TXNDC15: variants seen among roughly 807,000 people sequenced by gnomAD.
TXNDC15 encodes the protein thioredoxin domain-containing protein 15.
Under a neutral mutation model 35.0 loss-of-function variants are expected in TXNDC15, and 24 were observed. That is an observed-to-expected ratio of 0.68 (90% CI 0.50 to 0.96). TXNDC15 has a LOEUF of 0.96. TXNDC15 is among the 40% of genes least tolerant of loss of function. TXNDC15 has a pLI of 0.00. For missense variants in TXNDC15, 385 were observed against 453.3 expected, an observed-to-expected ratio of 0.85 and a Z score of 1.37; for synonymous variants, 169 against 174.0, an observed-to-expected ratio of 0.97 and a Z score of 0.23.
intron 2 of TXNDC15, among the ~76,000 whole-genome samples, chr5:134,889,221 G>A (rs957198149): frequency 3.9e-5 from 6 of 152,076 alleles, no homozygotes; most frequent in African/African-American, 1.4e-4. Flanking sequence ...TGGCAGGGAC[G>A]GTGTACCCTT....
intron 3 of TXNDC15, 100 bp from the exon 4 acceptor site, chr5:134,896,194 C>A: frequency 1.4e-6 from 2 of 1,406,894 alleles, no homozygotes; most frequent in South Asian, 2.8e-5. Flanking sequence ...AGGTCACACG[C>A]AACTTCCTCA....
At chr5:134,886,555 A>T (rs1255639338) in intron 1 of TXNDC15, among the ~76,000 whole-genome samples, 1 of 152,182 alleles carries the variant, frequency 6.6e-6, no homozygotes, top group Non-Finnish European at 1.5e-5. Flanking sequence ...CTCAAGACCC[A>T]CCTTCTAGCT....
rs1750433384 is a variant in TXNDC15, at chr5:134,893,633, C to T, written c.733C>T (p.Leu245=). The T allele has an allele frequency of 6.2e-7, 1 of 1,614,170 alleles. No individual in the cohort carries two copies. Among genetic ancestry groups the T allele is most frequent in the East Asian group, 2.2e-5 (1 of 44,894 alleles). ...ATTTCCAGCTCTTCACTTTTTGGCA[C>T]TGGATGCATCTCAGCACAGCAGGTA... The part of the protein sequence containing the change: ...RAFPALHFLA[L]DASQHSSLST... The change falls in exon 3 of 5, where the codon CTG becomes TTG. Residue 245 remains leucine (L), a synonymous_variant. Transcript: ENST00000358387.
At chr5:134,888,997 G>A (rs1750333872) in intron 2 of TXNDC15, among the ~76,000 whole-genome samples, 1 of 152,196 alleles carries the variant, frequency 6.6e-6, no homozygotes, top group Non-Finnish European at 1.5e-5. Context: ...TTATGTAAGA[G>A]AGGTAAATCC....
In TXNDC15 at chr5:134,874,384, C is replaced by CA; in HGVS notation, c.-43dup. 2 of 1,517,098 alleles carry CA rather than the reference C, an allele frequency of 1.3e-6. No individual in the cohort carries two copies. The highest frequency in any genetic ancestry group is 2.4e-5 in the South Asian group (2 of 82,992). 94.0% of individuals were successfully genotyped at this position (1,517,098 alleles called of 1,614,324 possible). On this transcript the variant is annotated 5_prime_UTR_variant, in exon 1 of 5. Transcript: ENST00000358387. Reference sequence around the variant, plus strand: ...CCCCCAGCCTTCCTCCGGCTGGCAGCACGACTCGCGTAGCCGTGCGCCGAT... The same window carrying CA: ...CCCCCAGCCTTCCTCCGGCTGGCAGCAACGACTCGCGTAGCCGTGCGCCGAT...
intron 1 of TXNDC15, among the ~76,000 whole-genome samples, chr5:134,885,830 T>C (rs2150186761): frequency 6.6e-6 from 1 of 151,650 alleles, no homozygotes; most frequent in African/African-American, 2.4e-5. Context: ...TTCCTGAAAC[T>C]GTTGTTTTAT....
At chr5:134,882,198 C>T (rs1373886741) in intron 1 of TXNDC15, among the ~76,000 whole-genome samples, 2 of 150,568 alleles carry the variant, frequency 1.3e-5, no homozygotes, top group African/African-American at 4.9e-5. Context: ...TCCTCACATC[C>T]CGGACGGGGC....
chr5:134,896,817 G>T (rs1387016388), intron 4 of TXNDC15, among the ~76,000 whole-genome samples: 1 of 151,814 alleles, frequency 6.6e-6, no homozygotes, highest in African/African-American at 2.4e-5. Context: ...CTAATTTTTT[G>T]TATTTTTAAT....
At chr5:134,889,034 A>C (rs529412366) in intron 2 of TXNDC15, among the ~76,000 whole-genome samples, 1 of 152,288 alleles carries the variant, frequency 6.6e-6, no homozygotes, top group East Asian at 1.9e-4. Flanking sequence ...GACTGTTGTC[A>C]GTGAGGGCAC....
At position 134,888,035 on chromosome 5, in the gene TXNDC15, C is replaced by T. The variant is rs1308076681; in HGVS notation, c.444C>T (p.Tyr148=). The stretch of plus-strand genomic sequence containing the variant: ...TCCCTGACAGAGAAGAGGAGTATTA[C>T]ACAGAGCCAGAAGTGGCGGAATCTG... ...AHFPDREEEY[Y]TEPEVAESDA... The change falls in exon 2 of 5, where the codon TAC becomes TAT. Residue 148 remains tyrosine (Y), a synonymous_variant. Coordinates refer to ENST00000358387, the MANE Select transcript of TXNDC15 (RefSeq NM_024715.4). The T allele has an allele frequency of 6.2e-7, 1 of 1,614,184 alleles. No individual in the cohort carries two copies. The highest frequency in any genetic ancestry group is 1.1e-5 in the South Asian group (1 of 91,082).
intron 1 of TXNDC15, among the ~76,000 whole-genome samples, chr5:134,879,143 A>G (rs186011529): frequency 6.6e-6 from 1 of 152,270 alleles, no homozygotes; most frequent in Non-Finnish European, 1.5e-5. Flanking sequence ...TGAAGGCATA[A>G]GATTTTTTTG....
chr5:134,885,387 G>GTGAATTA (rs1750256273), intron 1 of TXNDC15, among the ~76,000 whole-genome samples: 1 of 152,210 alleles, frequency 6.6e-6, no homozygotes, highest in Admixed American at 6.5e-5. Context: ...TCAATACCCT[G>GTGAATTA]TGAATTATGA....
chr5:134,899,799 T>A lies in TXNDC15; in HGVS notation c.*114T>A. ...TGTTGACTTGAAACTTCAGGCAGATTAAAAGAATCATTTGTTGAACAACTG... is the reference window on the plus strand; with the variant it reads ...TGTTGACTTGAAACTTCAGGCAGATAAAAAGAATCATTTGTTGAACAACTG... On this transcript the variant is annotated 3_prime_UTR_variant, in exon 5 of 5. Transcript: ENST00000358387. 1.2e-6 allele frequency: 1 copy of A among 845,976 alleles called. No homozygotes were observed. The highest frequency in any genetic ancestry group is 1.8e-6 in the Non-Finnish European group (1 of 566,010). 52.4% of individuals were successfully genotyped at this position (845,976 alleles called of 1,614,324 possible). A position where few individuals can be genotyped will look rare whatever the true frequency, so the allele number is the denominator to read the frequency against.
Position 134,899,481 on chromosome 5 carries a change from T to A in TXNDC15, c.887-8T>A. The A allele has an allele frequency of 6.2e-7, 1 of 1,604,310 alleles. No homozygotes were observed. The highest frequency in any genetic ancestry group is 8.5e-7 in the Non-Finnish European group (1 of 1,178,046). On this transcript the variant is annotated splice_polypyrimidine_tract_variant and splice_region_variant and intron_variant, in intron 4 of 4. Transcript: ENST00000358387. Reference sequence around the variant, plus strand: ...TGCCTGATTTGAAACCAGTGATTTTTCTTTCAGGTATAGAAGCCAAGAAGA... The same window carrying A: ...TGCCTGATTTGAAACCAGTGATTTTACTTTCAGGTATAGAAGCCAAGAAGA...
At chr5:134,881,185 T>TTATA (rs1750135930) in intron 1 of TXNDC15, among the ~76,000 whole-genome samples, 1 of 144,668 alleles carries the variant, frequency 6.9e-6, no homozygotes, top group African/African-American at 2.5e-5. Context: ...ATTTATTTAT[T>TTATA]TATTTATTTA....
chr5:134,898,422 CCTCA>C (rs1344876698), intron 4 of TXNDC15, among the ~76,000 whole-genome samples: 1 of 152,114 alleles, frequency 6.6e-6, no homozygotes, highest in African/African-American at 2.4e-5. Flanking sequence ...TCCTCTAAAG[CCTCA>C]CTGTCTCAAT....
intron 1 of TXNDC15, among the ~76,000 whole-genome samples, chr5:134,883,392 A>G (rs1386245798): frequency 6.6e-6 from 1 of 151,916 alleles, no homozygotes; most frequent in Non-Finnish European, 1.5e-5. Flanking sequence ...GTGCCACTGC[A>G]CTCCAGCCTG....
upstream of TXNDC15, chr5:134,873,825 T>C (rs1236090755): frequency 1.3e-5 from 2 of 152,238 alleles, no homozygotes; most frequent in African/African-American, 4.8e-5. Context: ...GGTTGCCAGA[T>C]GTCACGAAGT....
intron 4 of TXNDC15, 87 bp downstream of exon 4, chr5:134,896,511 A>C: frequency 2.0e-6 from 3 of 1,511,326 alleles, no homozygotes; most frequent in South Asian, 1.2e-5. Flanking sequence ...TATAATCCTT[A>C]AGTGAAGGAT....
Sources: gnomAD v4.1 joint callset for allele counts (sites outside exome capture counted in the v4.1 genomes callset) on GRCh38, gnomAD v4.1.1 for gene constraint, MANE v1.5 for transcripts, NCBI Gene and HGNC (gene_info 2026-07-23, HGNC 2026-07-21) for gene names.